The following PAPOLA variants were observed in gnomAD, a reference collection of about 807,000 sequenced individuals.
PAPOLA encodes polynucleotide adenylyltransferase alpha.
Under a neutral mutation model 100.6 loss-of-function variants are expected in PAPOLA, and 15 were observed. The ratio of observed to expected loss-of-function variants is 0.15; its 90% CI spans 0.10 to 0.23. The LOEUF is 0.23. PAPOLA is among the 10% of genes least tolerant of loss of function. PAPOLA has a pLI of 1.00. For synonymous variants in PAPOLA, 293 were observed against 300.0 expected, an observed-to-expected ratio of 0.98 and a Z score of 0.24; for missense variants, 533 against 884.2, an observed-to-expected ratio of 0.60 and a Z score of 5.04.
At position 96,522,113 on chromosome 14, in the gene PAPOLA, TTTC is replaced by T. The variant is rs1446065519; in HGVS notation, c.249+1044_249+1046del. On this transcript the variant is annotated intron_variant, in intron 3 of 21. Transcript: ENST00000216277. The stretch of plus-strand genomic sequence containing the variant: ...CCACTGCATCTAGCCTCTTTCTTTC[TTTC>T]TTTTTTTTTTTTTTTTTTTTTTTTT... Among the ~76,000 whole-genome samples, 476 of 78,294 alleles carry T rather than the reference TTTC, an allele frequency of 6.1e-3. 12 individuals are homozygous for T. Among genetic ancestry groups the T allele is most frequent in the African/African-American group, 0.028 (441 of 15,730 alleles). The allele number at this position is 78,294 out of a possible 152,430, so 51.4% of individuals were successfully genotyped here. A position where few individuals can be genotyped will look rare whatever the true frequency, so the allele number is the denominator to read the frequency against.
chr14:96,530,948 A>G (rs1355941762), intron 6 of PAPOLA, among the ~76,000 whole-genome samples: 1 of 151,302 alleles, frequency 6.6e-6, no homozygotes, highest in Non-Finnish European at 1.5e-5. Flanking sequence ...CCACAGGTGC[A>G]TGGGAGGTCC....
chr14:96,524,398 C>T (rs1359006663), intron 3 of PAPOLA, among the ~76,000 whole-genome samples: 1 of 152,176 alleles, frequency 6.6e-6, no homozygotes, highest in East Asian at 1.9e-4. Context: ...TAAATTACTT[C>T]ACTAAAGCCT....
At chr14:96,522,537 A>G (rs1015543364) in intron 3 of PAPOLA, among the ~76,000 whole-genome samples, 12 of 151,900 alleles carry the variant, frequency 7.9e-5, no homozygotes, top group African/African-American at 2.4e-4. Context: ...CAGCCTCCTG[A>G]GTAGCTGGGA....
rs1428206926 is a variant in PAPOLA, at chr14:96,552,596, A to G, written c.1638A>G (p.Pro546=). ...CTACTAGTGCTACGAAGACCAGTCCATTGAACAGTTCTGGCAGCTCTCAGG... is the reference window on the plus strand; with the variant it reads ...CTACTAGTGCTACGAAGACCAGTCCGTTGAACAGTTCTGGCAGCTCTCAGG... ...PSPTSATKTS[P]LNSSGSSQGR... The change falls in exon 17 of 22, where the codon CCA becomes CCG. Residue 546 remains proline (P), a synonymous_variant. Transcript: ENST00000216277. The G allele has an allele frequency of 6.2e-7, 1 of 1,614,136 alleles. No homozygotes were observed. Among genetic ancestry groups the G allele is most frequent in the South Asian group, 1.1e-5 (1 of 91,086 alleles).
At position 96,535,975 on chromosome 14, in the gene PAPOLA, G is replaced by T; in HGVS notation, c.1006G>T (p.Val336Phe). The stretch of plus-strand genomic sequence containing the variant: ...CAATGTGTCCGTTTCAACACGGATG[G>T]TCATGGTTGAGGAGTTTAAACAAGG... ...TYNVSVSTRMVMVEEFKQGLA... is the reference protein window; with the variant it reads ...TYNVSVSTRMFMVEEFKQGLA... The change falls in exon 11 of 22, where the codon GTC becomes TTC. Residue 336 changes from valine to phenylalanine, a missense_variant. By Grantham distance (50) the Val-to-Phe change is conservative (BLOSUM62 -1). Coordinates refer to ENST00000216277, the MANE Select transcript of PAPOLA (RefSeq NM_032632.5). 6.2e-7 allele frequency: 1 copy of T among 1,605,212 alleles called. No homozygotes were observed.
At chr14:96,539,802 C>A (rs950151313) in intron 12 of PAPOLA, among the ~76,000 whole-genome samples, 1 of 151,968 alleles carries the variant, frequency 6.6e-6, no homozygotes, top group African/African-American at 2.4e-5. Flanking sequence ...GAGTACCAAT[C>A]CTGGTTTTAA....
chr14:96,554,972 T>G (rs1901178239), intron 17 of PAPOLA, among the ~76,000 whole-genome samples: 1 of 152,128 alleles, frequency 6.6e-6, no homozygotes, highest in Non-Finnish European at 1.5e-5. Flanking sequence ...TGGTTGGTTG[T>G]TAAGTAGGAA....
intron 11 of PAPOLA, 84 bp downstream of exon 11, chr14:96,536,083 A>G (rs1899501185): frequency 2.0e-6 from 2 of 1,017,374 alleles, no homozygotes; most frequent in Non-Finnish European, 2.7e-6. Context: ...TGCAACTTAA[A>G]TTGAAGAAGG....
At chr14:96,555,543 A>G (rs1901244622) in intron 17 of PAPOLA, among the ~76,000 whole-genome samples, 1 of 152,152 alleles carries the variant, frequency 6.6e-6, no homozygotes, top group South Asian at 2.1e-4. Context: ...CTCACTAGTC[A>G]TATTTTAAGT....
intron 19 of PAPOLA, among the ~76,000 whole-genome samples, chr14:96,559,194 A>T (rs1901607964): frequency 6.6e-6 from 1 of 151,950 alleles, no homozygotes; most frequent in African/African-American, 2.4e-5. Flanking sequence ...CCAGTTACGG[A>T]TCTAGTTACA....
Position 96,544,135 on chromosome 14 carries a change from G to A in PAPOLA, c.1290-14G>A. On this transcript the variant is annotated splice_polypyrimidine_tract_variant and intron_variant, in intron 14 of 21. Transcript: ENST00000216277. ...TGAAATCCAGATAAACTATGGTAAT[G>A]CTCTTCTTTGCAGGGAAGAATTTCG... 12 of 1,367,296 alleles carry A rather than the reference G, an allele frequency of 8.8e-6. No individual in the cohort carries two copies. The highest frequency in any genetic ancestry group is 1.3e-5 in the Non-Finnish European group (12 of 958,808). 84.7% of individuals were successfully genotyped at this position (1,367,296 alleles called of 1,614,324 possible). A position where few individuals can be genotyped will look rare whatever the true frequency, so the allele number is the denominator to read the frequency against.
At chr14:96,528,623 G>T (rs1426288490) in intron 6 of PAPOLA, among the ~76,000 whole-genome samples, 1 of 152,190 alleles carries the variant, frequency 6.6e-6, no homozygotes, top group African/African-American at 2.4e-5. Flanking sequence ...TATTGAAGCT[G>T]GGCACAGTGA....
At chr14:96,520,541 A>G (rs141160434) in intron 2 of PAPOLA, among the ~76,000 whole-genome samples, 2,131 of 151,952 alleles carry the variant, frequency 0.014, 46 homozygotes, top group African/African-American at 0.048. Flanking sequence ...ACGCCCGGCT[A>G]ATTTTTTGTA....
chr14:96,534,233 G>C, intron 9 of PAPOLA: 1 of 1,287,500 alleles, frequency 7.8e-7, no homozygotes, highest in Non-Finnish European at 9.8e-7. Context: ...TATTTAAATA[G>C]TCCTTTAAAG....
intron 13 of PAPOLA, 196 bp from the exon 14 acceptor site, chr14:96,542,578 T>C: frequency 1.8e-6 from 1 of 571,340 alleles, no homozygotes; most frequent in Non-Finnish European, 3.0e-6. Context: ...TGGATAACTT[T>C]TGTAACCTTG....
Position 96,535,873 on chromosome 14 carries a change from A to G in PAPOLA, c.910-6A>G. ...GAAGAAACTGATTGGCTGTTGTTGT[A>G]TGTAGGTAAACCCCAGTGATAGGTA... On this transcript the variant is annotated splice_polypyrimidine_tract_variant and splice_region_variant and intron_variant, in intron 10 of 21. Transcript: ENST00000216277. The G allele has an allele frequency of 6.4e-7, 1 of 1,574,114 alleles. No homozygotes were observed. Among genetic ancestry groups the G allele is most frequent in the Non-Finnish European group, 8.6e-7 (1 of 1,160,400 alleles).
chr14:96,533,225 A>C (rs1015436416), intron 9 of PAPOLA: 1 of 983,454 alleles, frequency 1.0e-6, no homozygotes, highest in African/African-American at 1.7e-5. Flanking sequence ...TGATTTAAGA[A>C]AAAGTAGAAT....
chr14:96,528,130 G>A (rs1898655846), intron 6 of PAPOLA, 124 bp downstream of exon 6: 1 of 642,558 alleles, frequency 1.6e-6, no homozygotes, highest in African/African-American at 1.8e-5. Flanking sequence ...TAACAATTAA[G>A]GCTTTTAAAT....
At chr14:96,533,866 T>C (rs1248687435) in intron 9 of PAPOLA, 17 of 985,176 alleles carry the variant, frequency 1.7e-5, no homozygotes, top group Non-Finnish European at 1.9e-5. Context: ...AGAATTTCTT[T>C]TAATGCTACA....
Sources: allele counts gnomAD v4.1 joint callset (sites outside exome capture counted in the v4.1 genomes callset), GRCh38; gene constraint gnomAD v4.1.1; transcripts MANE v1.5; gene names NCBI Gene and HGNC (gene_info 2026-07-23, HGNC 2026-07-21).